SH3GL2: variants seen among roughly 807,000 people sequenced by gnomAD.
The protein encoded by SH3GL2 is endophilin-A1.
In SH3GL2, 24 loss-of-function variants were observed where a neutral mutation model predicts 46.0. The observed-to-expected ratio is 0.52, with a 90% CI of 0.38 to 0.73. SH3GL2 has a LOEUF of 0.73. Among genes scored for constraint, SH3GL2 ranks in the 30% least tolerant of loss-of-function variants. The pLI, the probability that SH3GL2 is intolerant of heterozygous loss-of-function variation, is 0.00. For synonymous variants in SH3GL2, 196 were observed against 147.1 expected, an observed-to-expected ratio of 1.33 and a Z score of -2.40; for missense variants, 413 against 424.2, an observed-to-expected ratio of 0.97 and a Z score of 0.23.
chr9:17,649,688 A>G (rs1317584574), intron 1 of SH3GL2, among the ~76,000 whole-genome samples: 4 of 152,228 alleles, frequency 2.6e-5, no homozygotes, highest in African/African-American at 9.6e-5. Context: ...TGGCAAATAC[A>G]CGTATTAGGT....
rs1386519097 is a variant in SH3GL2, at chr9:17,796,123, C to A, written c.*380C>A. ...GCCATCTGAAGGTCTCTTTGCATTT[C>A]TCCATGCAAAGAGGAGAAAGCTTTT... On this transcript the variant is annotated 3_prime_UTR_variant, in exon 9 of 9. Coordinates refer to ENST00000380607, the MANE Select transcript of SH3GL2 (RefSeq NM_003026.5). 1.1e-5 allele frequency: 2 copies of A among 176,998 alleles called. No individual in the cohort carries two copies. The highest frequency in any genetic ancestry group is 3.0e-4 in the East Asian group (2 of 6,734). The allele number at this position is 176,998 out of a possible 1,614,324, so 11.0% of individuals were successfully genotyped here. A position where few individuals can be genotyped will look rare whatever the true frequency, so the allele number is the denominator to read the frequency against.
At chr9:17,738,799 T>C (rs1822439113) in intron 1 of SH3GL2, among the ~76,000 whole-genome samples, 1 of 151,932 alleles carries the variant, frequency 6.6e-6, no homozygotes, top group Non-Finnish European at 1.5e-5. Context: ...GCAGAATTCC[T>C]TCTTCCTCAG....
At chr9:17,738,674 A>AGAGAGAGT in intron 1 of SH3GL2, among the ~76,000 whole-genome samples, 1 of 147,818 alleles carries the variant, frequency 6.8e-6, no homozygotes, top group Non-Finnish European at 1.5e-5. Context: ...AGAGAGAGAG[A>AGAGAGAGT]TAATTTTATT....
intron 1 of SH3GL2, among the ~76,000 whole-genome samples, chr9:17,695,565 C>T (rs987345013): frequency 3.3e-5 from 5 of 151,958 alleles, no homozygotes; most frequent in Non-Finnish European, 5.9e-5. Flanking sequence ...GAGGAGGTAA[C>T]CAGGAGGTAT....
chr9:17,597,620 G>A (rs943852810), intron 1 of SH3GL2, among the ~76,000 whole-genome samples: 30 of 152,164 alleles, frequency 2.0e-4, no homozygotes, highest in Middle Eastern at 6.3e-3. Flanking sequence ...TGCTTGTTAG[G>A]TGGTTCTCTT....
At chr9:17,592,197 G>A (rs1469685927) in intron 1 of SH3GL2, among the ~76,000 whole-genome samples, 1 of 152,196 alleles carries the variant, frequency 6.6e-6, no homozygotes, top group Non-Finnish European at 1.5e-5. Flanking sequence ...AAGGGCAGGA[G>A]AAGATGGAAG....
chr9:17,708,942 T>C (rs1024858907), intron 1 of SH3GL2, among the ~76,000 whole-genome samples: 2 of 152,034 alleles, frequency 1.3e-5, no homozygotes, highest in Non-Finnish European at 1.5e-5. Flanking sequence ...AGCATCAATG[T>C]TATTACCTTT....
At chr9:17,618,793 T>TTGTGTGTG (rs149930816) in intron 1 of SH3GL2, among the ~76,000 whole-genome samples, 66 of 149,584 alleles carry the variant, frequency 4.4e-4, no homozygotes, top group South Asian at 2.1e-3. Flanking sequence ...TTGGCTTATT[T>TTGTGTGTG]TGTGTGTGTG....
At chr9:17,622,257 C>T (rs1819158688) in intron 1 of SH3GL2, among the ~76,000 whole-genome samples, 1 of 152,134 alleles carries the variant, frequency 6.6e-6, no homozygotes, top group Non-Finnish European at 1.5e-5. Context: ...TCTGCTTCAT[C>T]CCGTAATCCC....
At chr9:17,606,339 C>A (rs138662297) in intron 1 of SH3GL2, among the ~76,000 whole-genome samples, 300 of 152,288 alleles carry the variant, frequency 2.0e-3, no homozygotes, top group Non-Finnish European at 3.3e-3. Flanking sequence ...GATCCGCCCG[C>A]CTTGGCCTCC....
At chr9:17,652,334 A>G (rs1230136592) in intron 1 of SH3GL2, among the ~76,000 whole-genome samples, 1 of 151,762 alleles carries the variant, frequency 6.6e-6, no homozygotes. Flanking sequence ...ATTTTTACAT[A>G]TATGTGTTTT....
chr9:17,625,530 G>A (rs1312384329), intron 1 of SH3GL2, among the ~76,000 whole-genome samples: 1 of 152,164 alleles, frequency 6.6e-6, no homozygotes, highest in Non-Finnish European at 1.5e-5. Flanking sequence ...TGATAATCAG[G>A]CAGAGATCAA....
At chr9:17,748,482 G>A (rs1822755114) in intron 2 of SH3GL2, among the ~76,000 whole-genome samples, 1 of 152,106 alleles carries the variant, frequency 6.6e-6, no homozygotes, top group East Asian at 1.9e-4. Flanking sequence ...CCAACAGGCT[G>A]CCTCAGTTTT....
intron 3 of SH3GL2, among the ~76,000 whole-genome samples, chr9:17,785,235 C>T (rs1823920871): frequency 6.6e-6 from 1 of 152,146 alleles, no homozygotes; most frequent in African/African-American, 2.4e-5. Flanking sequence ...CTGGGACTCT[C>T]CTCAATCCCC....
In SH3GL2 at chr9:17,744,519, C is replaced by T. The variant is rs74183843; in HGVS notation, c.46-2547C>T. Among the ~76,000 whole-genome samples the T allele has an allele frequency of 8.7e-3, 1,331 of 152,152 alleles. 46 individuals carry two copies. Among genetic ancestry groups the T allele is most frequent in the Admixed American group, 0.059 (905 of 15,274 alleles). The stretch of plus-strand genomic sequence containing the variant: ...TATCTGGGACCACAGGTGCACACTA[C>T]CATGTTCAACTAATTTATTTTTATT... On this transcript the variant is annotated intron_variant, in intron 1 of 8. Coordinates refer to ENST00000380607, the MANE Select transcript of SH3GL2 (RefSeq NM_003026.5).
At chr9:17,689,711 G>A (rs542994195) in intron 1 of SH3GL2, among the ~76,000 whole-genome samples, 1 of 151,964 alleles carries the variant, frequency 6.6e-6, no homozygotes, top group Non-Finnish European at 1.5e-5. Flanking sequence ...CATGTATATC[G>A]TTTATTTCAT....
intron 1 of SH3GL2, among the ~76,000 whole-genome samples, chr9:17,615,189 G>T (rs2383037): frequency 6.6e-6 from 1 of 152,042 alleles, no homozygotes; most frequent in Non-Finnish European, 1.5e-5. Context: ...TGAGCACCCC[G>T]TAGCAGGGTG....
At chr9:17,756,497 C>T (rs1300490906) in intron 2 of SH3GL2, among the ~76,000 whole-genome samples, 2 of 133,078 alleles carry the variant, frequency 1.5e-5, no homozygotes, top group African/African-American at 5.6e-5. Flanking sequence ...CACGGCAGGC[C>T]CCCATGTGTG....
intron 1 of SH3GL2, among the ~76,000 whole-genome samples, chr9:17,610,661 T>A (rs543842369): frequency 6.6e-6 from 1 of 152,206 alleles, no homozygotes; most frequent in South Asian, 2.1e-4. Context: ...TTTTCCTTTT[T>A]TTGACGAAGA....
Sources: gnomAD v4.1 joint callset for allele counts (sites outside exome capture counted in the v4.1 genomes callset) on GRCh38, gnomAD v4.1.1 for gene constraint, MANE v1.5 for transcripts, NCBI Gene and HGNC (gene_info 2026-07-23, HGNC 2026-07-21) for gene names.